Variants in EIPR1 observed in about 807,000 individuals in gnomAD.
The protein encoded by EIPR1 is EARP complex and GARP complex interacting protein 1.
A neutral mutation model predicts 48.1 loss-of-function variants in EIPR1; 25 were observed. That is an observed-to-expected ratio of 0.52 (90% CI 0.38 to 0.73). The LOEUF is 0.73. Ranked by LOEUF, EIPR1 falls within the 30% of genes least tolerant of loss-of-function variation. EIPR1 has a pLI of 0.00. For synonymous variants in EIPR1, 204 were observed against 201.9 expected (o/e 1.01, Z -0.09); for missense variants, 415 against 506.2 (o/e 0.82, Z 1.73).
Position 3,189,613 on chromosome 2 carries a change from TG to T in EIPR1, c.990-106del. 1 of 1,128,536 alleles carries T rather than the reference TG, an allele frequency of 8.9e-7. No homozygotes were observed. Among genetic ancestry groups the T allele is most frequent in the Non-Finnish European group, 1.2e-6 (1 of 832,770 alleles). The allele number at this position is 1,128,536 out of a possible 1,614,324, so 69.9% of individuals were successfully genotyped here. On this transcript the variant is annotated intron_variant, in intron 8 of 8. Coordinates refer to ENST00000382125, the MANE Select transcript of EIPR1 (RefSeq NM_003310.5). This position sits in a 1 kb window ranked among gnomAD's most constrained non-coding sequence, Gnocchi z 4.6. ...TGACATCGGGAGACACGGGAGGTACTGGGGCCTCAGCTTTCTCCGCTGTGGG... is the reference window on the plus strand; with the variant it reads ...TGACATCGGGAGACACGGGAGGTACTGGGCCTCAGCTTTCTCCGCTGTGGG...
Position 3,202,229 on chromosome 2 carries a change from A to G in EIPR1, c.517-5212T>C, listed in dbSNP as rs143597371. Among the ~76,000 whole-genome samples the G allele has an allele frequency of 7.5e-3, 1,135 of 152,286 alleles. 11 individuals carry two copies. The highest frequency in any genetic ancestry group is 0.022 in the African/African-American group (897 of 41,542). On this transcript the variant is annotated intron_variant, in intron 5 of 8. Transcript: ENST00000382125. ...TGGGATTACAGGCGTGAGCCACCGC[A>G]CCCGGCCTAGGTTCAATGTCTTAAC...
At chr2:3,367,915 G>A (rs1333700703) in intron 1 of EIPR1, among the ~76,000 whole-genome samples, 2 of 152,188 alleles carry the variant, frequency 1.3e-5, no homozygotes, top group East Asian at 3.9e-4. Context: ...CGCGGTGGCA[G>A]GCGCCTGTAG....
At chr2:3,258,025 C>T (rs192350248) in intron 3 of EIPR1, among the ~76,000 whole-genome samples, 1 of 152,350 alleles carries the variant, frequency 6.6e-6, no homozygotes, top group African/African-American at 2.4e-5. Context: ...CCCTGGTGGG[C>T]AGCAGGTGGC....
chr2:3,278,748 G>A (rs957030398), intron 3 of EIPR1, among the ~76,000 whole-genome samples: 3 of 152,142 alleles, frequency 2.0e-5, no homozygotes, highest in African/African-American at 7.2e-5. Context: ...CAGGATTCAG[G>A]CAAGCCCGGA....
chr2:3,218,351 C>T (rs556524193), intron 4 of EIPR1, among the ~76,000 whole-genome samples: 1 of 150,952 alleles, frequency 6.6e-6, no homozygotes, highest in East Asian at 2.0e-4. Flanking sequence ...CCCTGATACA[C>T]TCTAGAGCTT....
At chr2:3,212,965 AT>A (rs1428501722) in intron 5 of EIPR1, among the ~76,000 whole-genome samples, 1 of 152,240 alleles carries the variant, frequency 6.6e-6, no homozygotes, top group African/African-American at 2.4e-5. Flanking sequence ...GAAACTTAAT[AT>A]TTTTAAGTCT....
At position 3,294,947 on chromosome 2, in the gene EIPR1, C is replaced by T. The variant is rs1179225412; in HGVS notation, c.260-37492G>A. 3.8e-4 allele frequency among the ~76,000 whole-genome samples: 6 copies of T among 15,990 alleles called. 1 individual carries two copies. Among genetic ancestry groups the T allele is most frequent in the Admixed American group, 8.5e-4 (1 of 1,174 alleles). The allele number at this position is 15,990 out of a possible 152,430, so 10.5% of individuals were successfully genotyped here. The stretch of plus-strand genomic sequence containing the variant: ...CCCGCCATCCAGCCCATCCTCTCTA[C>T]ACACACACACACACCCTCCATCCAG... On this transcript the variant is annotated intron_variant, in intron 3 of 8. Coordinates refer to ENST00000382125, the MANE Select transcript of EIPR1 (RefSeq NM_003310.5).
chr2:3,308,921 G>T (rs545384383), intron 3 of EIPR1, among the ~76,000 whole-genome samples: 99 of 152,264 alleles, frequency 6.5e-4, no homozygotes, highest in African/African-American at 2.0e-3. Context: ...GGGAAATAAA[G>T]ATATTTTCAA....
At chr2:3,277,071 C>T (rs2462956) in intron 3 of EIPR1, among the ~76,000 whole-genome samples, 87,750 of 152,060 alleles carry the variant, frequency 0.58, 25,722 homozygotes, top group East Asian at 0.75. Flanking sequence ...GGTGAATGTA[C>T]GAGGAAGTCT....
At chr2:3,350,548 A>C (rs1339284524) in intron 2 of EIPR1, among the ~76,000 whole-genome samples, 1 of 152,238 alleles carries the variant, frequency 6.6e-6, no homozygotes, top group Non-Finnish European at 1.5e-5. Context: ...CATTTCACTA[A>C]ACACTGAACT....
At chr2:3,304,997 C>G (rs111341570) in intron 3 of EIPR1, among the ~76,000 whole-genome samples, 44 of 102,946 alleles carry the variant, frequency 4.3e-4, no homozygotes, top group Admixed American at 7.5e-4. Flanking sequence ...CAACCCTCCA[C>G]TCCCGTCCAG....
At chr2:3,211,917 C>G (rs572985532) in intron 5 of EIPR1, among the ~76,000 whole-genome samples, 1 of 152,252 alleles carries the variant, frequency 6.6e-6, no homozygotes, top group Non-Finnish European at 1.5e-5. Context: ...GTGGCCCCCA[C>G]GGAACCTTCC....
At chr2:3,257,807 C>T (rs1667208849) in intron 3 of EIPR1, among the ~76,000 whole-genome samples, 1 of 152,242 alleles carries the variant, frequency 6.6e-6, no homozygotes. Context: ...AATCACCACG[C>T]ACGCAGCTGG....
At chr2:3,209,460 G>A (rs746438416) in intron 5 of EIPR1, among the ~76,000 whole-genome samples, 12 of 152,346 alleles carry the variant, frequency 7.9e-5, no homozygotes, top group South Asian at 4.1e-4. Context: ...GCGAGGGTGC[G>A]TGGAAGGAGG....
intron 3 of EIPR1, among the ~76,000 whole-genome samples, chr2:3,263,059 A>C (rs1270042644): frequency 1.3e-5 from 2 of 152,232 alleles, no homozygotes; most frequent in Non-Finnish European, 2.9e-5. Flanking sequence ...AAGAAGGAGA[A>C]GAGATCTGAG....
intron 4 of EIPR1, among the ~76,000 whole-genome samples, chr2:3,239,524 G>A (rs1307120846): frequency 6.6e-6 from 1 of 152,180 alleles, no homozygotes; most frequent in Non-Finnish European, 1.5e-5. Flanking sequence ...TTTGGCCATC[G>A]TGCGTCTGCT....
chr2:3,337,812 C>T (rs183627529), intron 3 of EIPR1, among the ~76,000 whole-genome samples: 1 of 152,316 alleles, frequency 6.6e-6, no homozygotes, highest in East Asian at 1.9e-4. Flanking sequence ...CAGCTGATTC[C>T]AGCTTCAGTT....
chr2:3,280,005 T>C (rs1667968964), intron 3 of EIPR1, among the ~76,000 whole-genome samples: 1 of 152,204 alleles, frequency 6.6e-6, no homozygotes, highest in Non-Finnish European at 1.5e-5. Flanking sequence ...AAAATAAATG[T>C]TACTATTTAT....
intron 4 of EIPR1, among the ~76,000 whole-genome samples, chr2:3,223,112 G>T (rs905379244): frequency 6.6e-6 from 1 of 152,160 alleles, no homozygotes; most frequent in African/African-American, 2.4e-5. Context: ...AGCTGGAAGG[G>T]CACATAGCTT....
Sources: allele counts gnomAD v4.1 joint callset (sites outside exome capture counted in the v4.1 genomes callset), GRCh38; gene constraint gnomAD v4.1.1; non-coding constraint Gnocchi (gnomAD v3.1); transcripts MANE v1.5; gene names NCBI Gene and HGNC (gene_info 2026-07-23, HGNC 2026-07-21).